PLCB2: variants seen among roughly 807,000 people sequenced by gnomAD.
The protein encoded by PLCB2 is phospholipase C beta 2.
Under a neutral mutation model 141.7 loss-of-function variants are expected in PLCB2, and 115 were observed. The observed-to-expected ratio is 0.81, with a 90% CI of 0.70 to 0.95. The LOEUF is 0.95. Among genes scored for constraint, PLCB2 ranks in the 40% least tolerant of loss-of-function variants. The probability of loss-of-function intolerance (pLI) is 0.00; values close to 1 mark genes in which losing one functional copy is unlikely to be tolerated. For synonymous variants in PLCB2, 603 were observed against 595.6 expected (o/e 1.01, Z -0.18); for missense variants, 1,403 against 1,541.1 (o/e 0.91, Z 1.50).
At chr15:40,289,200 C>T in intron 31 of PLCB2, 72 bp downstream of exon 31, 2 of 1,371,036 alleles carry the variant, frequency 1.5e-6, no homozygotes, top group Admixed American at 1.7e-5. Context: ...CTGGCAGCTC[C>T]CTGGGGCAAG....
At chr15:40,296,254 C>T in intron 16 of PLCB2, 42 bp downstream of exon 16, 2 of 1,472,002 alleles carry the variant, frequency 1.4e-6, no homozygotes, top group South Asian at 1.2e-5. Flanking sequence ...GGGGAGATCC[C>T]CCTTCTTCTT....
intron 31 of PLCB2, 39 bp downstream of exon 31, chr15:40,289,233 A>G: frequency 6.5e-7 from 1 of 1,545,466 alleles, no homozygotes; most frequent in Non-Finnish European, 8.9e-7. Context: ...CCCGGAACCC[A>G]TTCAGTTCTG....
rs2040861620 is a variant in PLCB2 at position 40,307,583 on chromosome 15, A to G, written c.84+6T>C. Reference sequence around the variant, plus strand: ...CTCCAGCAGCTGAGGCCCCTGCCCCACTTACATCATCCCATTTGATGAAGC... The same window carrying G: ...CTCCAGCAGCTGAGGCCCCTGCCCCGCTTACATCATCCCATTTGATGAAGC... On this transcript the variant is annotated splice_donor_region_variant and intron_variant, in intron 1 of 31. Coordinates refer to ENST00000260402, the MANE Select transcript of PLCB2 (RefSeq NM_004573.3). 6.4e-7 allele frequency: 1 copy of G among 1,567,366 alleles called. No homozygotes were observed. The highest frequency in any genetic ancestry group is 1.4e-5 in the African/African-American group (1 of 73,362).
intron 7 of PLCB2, 76 bp from the exon 8 acceptor site, chr15:40,299,304 G>T: frequency 1.0e-6 from 1 of 967,820 alleles, no homozygotes; most frequent in Non-Finnish European, 1.7e-6. Context: ...CCCAGCCCTG[G>T]TCAAGGGGAC....
In PLCB2 at chr15:40,287,975, G is replaced by C; in HGVS notation, c.*740C>G. Reference sequence around the variant, plus strand: ...ATAAATAAACCTCATAAATTCAGGAGAGCAAATGATGCTGACCTTGTCAGG... The same window carrying C: ...ATAAATAAACCTCATAAATTCAGGACAGCAAATGATGCTGACCTTGTCAGG... On this transcript the variant is annotated 3_prime_UTR_variant, in exon 32 of 32. Coordinates refer to ENST00000260402, the MANE Select transcript of PLCB2 (RefSeq NM_004573.3). 2.0e-6 allele frequency: 2 copies of C among 984,064 alleles called. No homozygotes were observed. Among genetic ancestry groups the C allele is most frequent in the Non-Finnish European group, 2.4e-6 (2 of 828,684 alleles). The allele number at this position is 984,064 out of a possible 1,614,324, so 61.0% of individuals were successfully genotyped here.
chr15:40,302,197 C>A lies in PLCB2; in HGVS notation c.453-8G>T. ...ATCTTGAGCTTCACAAGGCTGGGGGCAGAAAGCAGCCCGTCAAGGCCCAGG... is the reference window on the plus strand; with the variant it reads ...ATCTTGAGCTTCACAAGGCTGGGGGAAGAAAGCAGCCCGTCAAGGCCCAGG... On this transcript the variant is annotated splice_polypyrimidine_tract_variant and splice_region_variant and intron_variant, in intron 5 of 31. Coordinates refer to ENST00000260402, the MANE Select transcript of PLCB2 (RefSeq NM_004573.3). 1 of 1,613,068 alleles carries A rather than the reference C, an allele frequency of 6.2e-7. No individual in the cohort carries two copies. The highest frequency in any genetic ancestry group is 8.5e-7 in the Non-Finnish European group (1 of 1,179,348).
chr15:40,298,933 C>T lies in PLCB2; in HGVS notation c.715G>A (p.Glu239Lys). 1 of 1,607,854 alleles carries T rather than the reference C, an allele frequency of 6.2e-7. No individual in the cohort carries two copies. The highest frequency in any genetic ancestry group is 1.1e-5 in the South Asian group (1 of 91,030). ...TGGTTGATGAATTTGGTCAGGTGCT[C>T]CTTCGTCATGTAGGGTTTGGCCTTA... ...HAKAKPYMTKEHLTKFINQKQ... is the reference protein window; with the variant it reads ...HAKAKPYMTKKHLTKFINQKQ... Residue 239 changes from glutamate to lysine, a missense_variant, in exon 9 of 32, where the codon GAG becomes AAG. Around this residue, in one of 4 missense-constraint regions of PLCB2, gnomAD observed 975 missense variants for 1,141.1 expected, o/e 0.85. Coordinates refer to ENST00000260402, the MANE Select transcript of PLCB2 (RefSeq NM_004573.3).
chr15:40,294,829 C>T lies in PLCB2; in HGVS notation c.1906+107G>A, dbSNP rs551890122. ...CACCTGGGCATGCTCCCAGAGTCTA[C>T]ACTAACAGCAGGACTCCCCAGCCTG... On this transcript the variant is annotated intron_variant, in intron 18 of 31. Transcript: ENST00000260402. 33 of 1,415,664 alleles carry T rather than the reference C, an allele frequency of 2.3e-5. No individual in the cohort carries two copies. In the Middle Eastern group the frequency reaches 5.6e-4, roughly 24 times the overall value. The allele number at this position is 1,415,664 out of a possible 1,614,324, so 87.7% of individuals were successfully genotyped here. A position where few individuals can be genotyped will look rare whatever the true frequency, so the allele number is the denominator to read the frequency against.
chr15:40,296,254 C>G, intron 16 of PLCB2, 42 bp downstream of exon 16: 1 of 1,472,002 alleles, frequency 6.8e-7, no homozygotes, highest in Non-Finnish European at 9.4e-7. Context: ...GGGGAGATCC[C>G]CCTTCTTCTT....
chr15:40,298,575 G>A lies in PLCB2; in HGVS notation c.984C>T (p.Asn328=). ...LNHYFINSSH[N]TYLTAGQFSG... ...ATCAGGGCCCACCTGTCAGGTAGGT[G>A]TTGTGGGACGAGTTGATGAAGTAAT... The change falls in exon 10 of 32, where the codon AAC becomes AAT. Residue 328 remains asparagine, a synonymous_variant. Coordinates refer to ENST00000260402, the MANE Select transcript of PLCB2 (RefSeq NM_004573.3). 1 of 1,614,266 alleles carries A rather than the reference G, an allele frequency of 6.2e-7. No individual in the cohort carries two copies. Among genetic ancestry groups the A allele is most frequent in the Non-Finnish European group, 8.5e-7 (1 of 1,180,044 alleles).
At chr15:40,291,960 C>G in intron 23 of PLCB2, 36 bp from the exon 24 acceptor site, 2 of 1,611,332 alleles carry the variant, frequency 1.2e-6, no homozygotes, top group Non-Finnish European at 1.7e-6. Context: ...GGTGGCTTGA[C>G]AGCCCTCTCT....
At chr15:40,292,231 C>G in intron 22 of PLCB2, 73 bp from the exon 23 acceptor site, 12 of 1,514,440 alleles carry the variant, frequency 7.9e-6, no homozygotes, top group Non-Finnish European at 1.1e-5. Flanking sequence ...TGTCCTCACC[C>G]ACTCCAGGAT....
chr15:40,301,777 C>A, intron 7 of PLCB2, 180 bp downstream of exon 7: 1 of 700,074 alleles, frequency 1.4e-6, no homozygotes, highest in Non-Finnish European at 2.6e-6. Context: ...CACTCCCTTG[C>A]CCTGGCTCCA....
At chr15:40,294,549 T>A in intron 18 of PLCB2, 129 bp from the exon 19 acceptor site, 1 of 897,878 alleles carries the variant, frequency 1.1e-6, no homozygotes, top group Non-Finnish European at 1.7e-6. Flanking sequence ...GATGAGGGCT[T>A]CTCCTGTCCC....
At chr15:40,291,707 C>G in intron 24 of PLCB2, 57 bp from the exon 25 acceptor site, 1 of 1,606,580 alleles carries the variant, frequency 6.2e-7, no homozygotes, top group Non-Finnish European at 8.5e-7. Flanking sequence ...TGGCTCCGTT[C>G]GCCTCCTCCA....
chr15:40,301,507 A>G (rs1249113210), intron 7 of PLCB2: 13 of 702,666 alleles, frequency 1.9e-5, no homozygotes, highest in African/African-American at 5.2e-5. Context: ...GCATCTTGGC[A>G]GCTTCCGCCT....
intron 29 of PLCB2, 24 bp from the exon 30 acceptor site, chr15:40,290,106 G>A (rs747082293): frequency 7.5e-6 from 11 of 1,461,850 alleles, no homozygotes; most frequent in Admixed American, 3.3e-5. Context: ...TGGAGTTTTA[G>A]AAAAGGGAGA....
intron 7 of PLCB2, 181 bp downstream of exon 7, chr15:40,301,776 G>A: frequency 1.4e-6 from 1 of 699,286 alleles, no homozygotes; most frequent in South Asian, 1.6e-5. Flanking sequence ...TCACTCCCTT[G>A]CCCTGGCTCC....
In PLCB2 at chr15:40,297,618, A is replaced by G; in HGVS notation, c.1239-13T>C. On this transcript the variant is annotated splice_polypyrimidine_tract_variant and intron_variant, in intron 12 of 31. Coordinates refer to ENST00000260402, the MANE Select transcript of PLCB2 (RefSeq NM_004573.3). The surrounding 1 kb of genome is among the most constrained non-coding windows in gnomAD (Gnocchi z 4.2). ...CTGCTGGCGGGGTCTGCGGGGAGCAAAAGCGGGGATGGGGTTCAGCCGCTC... is the reference window on the plus strand; with the variant it reads ...CTGCTGGCGGGGTCTGCGGGGAGCAGAAGCGGGGATGGGGTTCAGCCGCTC... The G allele has an allele frequency of 6.2e-7, 1 of 1,610,170 alleles. No homozygotes were observed.
Sources: allele counts gnomAD v4.1 joint callset, GRCh38; gene constraint gnomAD v4.1.1; regional missense constraint gnomAD v4.1.1; non-coding constraint Gnocchi (gnomAD v3.1); transcripts MANE v1.5; gene names NCBI Gene and HGNC (gene_info 2026-07-23, HGNC 2026-07-21).